The following MECOM variants were observed in gnomAD, a reference collection of about 807,000 sequenced individuals.
The protein encoded by MECOM is MDS1 and EVI1 complex locus.
A neutral mutation model predicts 116.3 loss-of-function variants in MECOM; 13 were observed. The observed-to-expected ratio is 0.11, with a 90% CI of 0.07 to 0.18. The LOEUF is 0.18. Among genes scored for constraint, MECOM ranks in the 10% least tolerant of loss-of-function variants. The pLI is 1.00. For missense variants in MECOM, 1,299 were observed against 1,509.0 expected (o/e 0.86, Z 2.31); for synonymous variants, 528 against 535.2 (o/e 0.99, Z 0.19).
chr3:169,429,650 T>C (rs1247318163), intron 1 of MECOM, among the ~76,000 whole-genome samples: 1 of 152,184 alleles, frequency 6.6e-6, no homozygotes, highest in Non-Finnish European at 1.5e-5. Context: ...AGTAGCTAGA[T>C]GTAGTAACAG....
At chr3:169,520,858 C>T (rs1158772581) in intron 1 of MECOM, among the ~76,000 whole-genome samples, 3 of 152,102 alleles carry the variant, frequency 2.0e-5, no homozygotes, top group Admixed American at 6.5e-5. Context: ...CTTTAAAGTC[C>T]AGCTCTGCAC....
chr3:169,102,526 C>G (rs1040411164), intron 10 of MECOM, among the ~76,000 whole-genome samples: 2 of 152,172 alleles, frequency 1.3e-5, no homozygotes, highest in African/African-American at 4.8e-5. Context: ...GCCAATAAAG[C>G]CAAGTTAACT....
intron 2 of MECOM, among the ~76,000 whole-genome samples, chr3:169,144,350 G>A (rs1055839091): frequency 6.6e-6 from 1 of 151,876 alleles, no homozygotes; most frequent in Non-Finnish European, 1.5e-5. Context: ...TGTCTTATAG[G>A]TGCTTCCAAA....
At chr3:169,243,904 A>G (rs1755217499) in intron 2 of MECOM, among the ~76,000 whole-genome samples, 2 of 152,238 alleles carry the variant, frequency 1.3e-5, no homozygotes, top group Non-Finnish European at 2.9e-5. Context: ...CTCGCCTGAC[A>G]GGCCTAACCC....
chr3:169,277,617 G>A (rs892705126), intron 2 of MECOM, among the ~76,000 whole-genome samples: 2 of 152,074 alleles, frequency 1.3e-5, no homozygotes, highest in East Asian at 3.9e-4. Context: ...TTTCCACATT[G>A]CCTAATGGGG....
chr3:169,244,056 A>T (rs915282444), intron 2 of MECOM, among the ~76,000 whole-genome samples: 1 of 152,210 alleles, frequency 6.6e-6, no homozygotes, highest in Non-Finnish European at 1.5e-5. Context: ...ACAGGAGACC[A>T]GACCTGCCCG....
intron 1 of MECOM, among the ~76,000 whole-genome samples, chr3:169,529,301 G>T (rs181147170): frequency 2.0e-5 from 3 of 152,256 alleles, no homozygotes; most frequent in East Asian, 3.9e-4. Context: ...TTTCTTGAAA[G>T]GTTTTGAGTC....
chr3:169,281,697 A>T (rs1444285110), intron 2 of MECOM, among the ~76,000 whole-genome samples: 3 of 152,240 alleles, frequency 2.0e-5, no homozygotes. Flanking sequence ...CTGCAGTCCC[A>T]ACTACTTGGG....
chr3:169,094,964 A>T (rs1487479750), intron 13 of MECOM, 112 bp downstream of exon 13: 2 of 925,006 alleles, frequency 2.2e-6, no homozygotes, highest in Non-Finnish European at 3.0e-6. Flanking sequence ...TTACAATAAG[A>T]CCTGATTTTG....
intron 5 of MECOM, among the ~76,000 whole-genome samples, chr3:169,127,365 C>A (rs1733199325): frequency 6.6e-6 from 1 of 151,988 alleles, no homozygotes; most frequent in Non-Finnish European, 1.5e-5. Flanking sequence ...TTCTCTTATT[C>A]TTTTATATAT....
At chr3:169,323,913 G>GA in intron 2 of MECOM, among the ~76,000 whole-genome samples, 1 of 152,172 alleles carries the variant, frequency 6.6e-6, no homozygotes, top group South Asian at 2.1e-4. Context: ...CCATGCAGAG[G>GA]AAAAAAGCCT....
intron 1 of MECOM, among the ~76,000 whole-genome samples, chr3:169,556,834 G>C (rs1158507121): frequency 1.3e-5 from 2 of 152,268 alleles, no homozygotes; most frequent in East Asian, 1.9e-4. Context: ...GCAATATCTG[G>C]ATTGCAACCC....
intron 1 of MECOM, among the ~76,000 whole-genome samples, chr3:169,616,293 G>C (rs1389187168): frequency 6.6e-6 from 1 of 152,096 alleles, no homozygotes; most frequent in East Asian, 1.9e-4. Flanking sequence ...GAAAAGAGGG[G>C]GCTCAGAAAA....
intron 1 of MECOM, among the ~76,000 whole-genome samples, chr3:169,387,092 C>T (rs931418245): frequency 1.3e-5 from 2 of 151,790 alleles, no homozygotes; most frequent in Middle Eastern, 6.8e-3. Context: ...TTTTTTTTAA[C>T]TTTTATGGAA....
rs78700782 is a variant in MECOM, at chr3:169,489,299, C to T, written c.38-107775G>A. Among the ~76,000 whole-genome samples the T allele has an allele frequency of 6.0e-3, 905 of 152,054 alleles. 14 individuals are homozygous for T. Among genetic ancestry groups the T allele is most frequent in the African/African-American group, 0.021 (855 of 41,484 alleles). On this transcript the variant is annotated intron_variant, in intron 1 of 16. Coordinates refer to ENST00000651503, the MANE Select transcript of MECOM (RefSeq NM_004991.4). Reference sequence around the variant, plus strand: ...ACAGATTTTCAAGTAACCAGTAATCCCATCCTAAAGAAATTGTTCTAGAGA... The same window carrying T: ...ACAGATTTTCAAGTAACCAGTAATCTCATCCTAAAGAAATTGTTCTAGAGA...
rs1044464183 is a variant in MECOM, at chr3:169,084,047, C to T, written c.*862G>A. 4 of 230,688 alleles carry T rather than the reference C, an allele frequency of 1.7e-5. No individual in the cohort carries two copies. Among genetic ancestry groups the T allele is most frequent in the East Asian group, 6.1e-5 (1 of 16,264 alleles). 14.3% of individuals were successfully genotyped at this position (230,688 alleles called of 1,614,324 possible). A position where few individuals can be genotyped will look rare whatever the true frequency, so the allele number is the denominator to read the frequency against. On this transcript the variant is annotated 3_prime_UTR_variant, in exon 17 of 17. Coordinates refer to ENST00000651503, the MANE Select transcript of MECOM (RefSeq NM_004991.4). Reference sequence around the variant, plus strand: ...AATTCGGAAAGGGGTGTGCCTCAGACGTCATAAAGTAGTGGCTGACTGGAA... The same window carrying T: ...AATTCGGAAAGGGGTGTGCCTCAGATGTCATAAAGTAGTGGCTGACTGGAA...
At chr3:169,657,667 C>T (rs1352179498) in intron 1 of MECOM, among the ~76,000 whole-genome samples, 1 of 152,178 alleles carries the variant, frequency 6.6e-6, no homozygotes, top group Non-Finnish European at 1.5e-5. Context: ...TAGTTATACC[C>T]ACAGCAATAT....
In MECOM at chr3:169,641,367, G is replaced by A. The variant is rs141267574; in HGVS notation, c.37+21969C>T. 2.6e-5 allele frequency among the ~76,000 whole-genome samples: 4 copies of A among 152,280 alleles called. No homozygotes were observed. In the South Asian group the frequency reaches 6.2e-4, roughly 24 times the overall value. ...TAGCCACACATCTGGGTAGGTCAGC[G>A]CTTCTGTGACTTTAACCCCACTGAG... On this transcript the variant is annotated intron_variant, in intron 1 of 16. Transcript: ENST00000651503.
intron 1 of MECOM, among the ~76,000 whole-genome samples, chr3:169,514,697 C>T (rs1342130155): frequency 6.6e-6 from 1 of 152,178 alleles, no homozygotes; most frequent in African/African-American, 2.4e-5. Flanking sequence ...TTCTCCTTTC[C>T]TCAGCACCTT....
Sources: allele counts gnomAD v4.1 joint callset (sites outside exome capture counted in the v4.1 genomes callset), GRCh38; gene constraint gnomAD v4.1.1; transcripts MANE v1.5; gene names NCBI Gene and HGNC (gene_info 2026-07-23, HGNC 2026-07-21).